Variants in PPP2R5E observed in about 807,000 individuals in gnomAD.
The protein encoded by PPP2R5E is protein phosphatase 2 regulatory subunit B'epsilon.
A neutral mutation model predicts 65.3 loss-of-function variants in PPP2R5E; 4 were observed. The observed-to-expected ratio is 0.06, with a 90% CI of 0.03 to 0.14. The LOEUF (loss-of-function observed/expected upper bound fraction) is 0.14. Ranked by LOEUF, PPP2R5E falls within the 10% of genes least tolerant of loss-of-function variation. The pLI is 1.00. For missense variants in PPP2R5E, 274 were observed against 556.1 expected, an observed-to-expected ratio of 0.49 and a Z score of 5.10; for synonymous variants, 183 against 187.4, an observed-to-expected ratio of 0.98 and a Z score of 0.19.
At chr14:63,415,019 A>G in intron 5 of PPP2R5E, 121 bp downstream of exon 5, 1 of 553,422 alleles carries the variant, frequency 1.8e-6, no homozygotes, top group Non-Finnish European at 3.2e-6. Flanking sequence ...GTTTATATAT[A>G]TATATATATT....
At chr14:63,535,040 C>A (rs1893611814) in intron 2 of PPP2R5E, among the ~76,000 whole-genome samples, 1 of 152,114 alleles carries the variant, frequency 6.6e-6, no homozygotes, top group African/African-American at 2.4e-5. Flanking sequence ...TACGGAAAAA[C>A]CAGGTAGATT....
intron 4 of PPP2R5E, among the ~76,000 whole-genome samples, chr14:63,417,622 A>G (rs965415270): frequency 1.3e-5 from 2 of 152,220 alleles, no homozygotes; most frequent in Non-Finnish European, 2.9e-5. Flanking sequence ...ATCATGTAGA[A>G]TATTTTTAAA....
intron 2 of PPP2R5E, among the ~76,000 whole-genome samples, chr14:63,516,315 T>A (rs1892670325): frequency 6.6e-6 from 1 of 152,128 alleles, no homozygotes; most frequent in Non-Finnish European, 1.5e-5. Flanking sequence ...CAACTTCCCA[T>A]GAGGAAGAAA....
rs1177867935 is a variant in PPP2R5E, at chr14:63,415,225, T to C, written c.464A>G (p.Tyr155Cys). 1 of 1,596,942 alleles carries C rather than the reference T, an allele frequency of 6.3e-7. No individual in the cohort carries two copies. Among genetic ancestry groups the C allele is most frequent in the Non-Finnish European group, 8.6e-7 (1 of 1,165,564 alleles). ...TTCCAAAAATCGTATGAAAAATTCA[T>C]ATACAAGCTGCAACAAACAGATTAT... ...EASWPHLQLV[Y>C]EFFIRFLESQ... The change falls in exon 5 of 14, where the codon TAT (tyrosine) becomes TGT (cysteine). Residue 155 changes from tyrosine to cysteine, a missense_variant. Physicochemically the swap from Tyr to Cys is radical, Grantham distance 194 (BLOSUM62 -2). Coordinates refer to ENST00000337537, the MANE Select transcript of PPP2R5E (RefSeq NM_006246.5).
intron 2 of PPP2R5E, among the ~76,000 whole-genome samples, chr14:63,472,325 C>T (rs1027454048): frequency 1.3e-5 from 2 of 152,148 alleles, no homozygotes; most frequent in South Asian, 4.2e-4. Flanking sequence ...TAAAGGACCC[C>T]TTTACATTAG....
At chr14:63,422,596 G>A (rs557044009) in intron 3 of PPP2R5E, among the ~76,000 whole-genome samples, 1 of 152,122 alleles carries the variant, frequency 6.6e-6, no homozygotes, top group East Asian at 1.9e-4. Context: ...CGAGGTGGCA[G>A]GCACCTGTAG....
chr14:63,474,485 G>C (rs1594915841), intron 2 of PPP2R5E, among the ~76,000 whole-genome samples: 1 of 151,966 alleles, frequency 6.6e-6, no homozygotes, highest in African/African-American at 2.4e-5. Flanking sequence ...CAAGACCAAA[G>C]TCTGAAAAGA....
rs1047440973 is a variant in PPP2R5E, at chr14:63,371,942, C to A, written c.*4067G>T. On this transcript the variant is annotated 3_prime_UTR_variant, in exon 14 of 14. Coordinates refer to ENST00000337537, the MANE Select transcript of PPP2R5E (RefSeq NM_006246.5). ...CTTCAATCAAAAATCAGACAACAAC[C>A]AGAAAATGCATTGGTAATATTTATA... The A allele has an allele frequency of 6.6e-6, 1 of 152,042 alleles. No homozygotes were observed. The highest frequency in any genetic ancestry group is 1.5e-5 in the Non-Finnish European group (1 of 68,008). The allele number at this position is 152,042 out of a possible 1,614,324, so 9.4% of individuals were successfully genotyped here. A position where few individuals can be genotyped will look rare whatever the true frequency, so the allele number is the denominator to read the frequency against.
chr14:63,402,747 A>C (rs997067827), intron 5 of PPP2R5E, among the ~76,000 whole-genome samples: 1 of 152,192 alleles, frequency 6.6e-6, no homozygotes. Context: ...GAAGATTTTA[A>C]AAACCAGAAG....
At chr14:63,490,682 G>A (rs1010626646) in intron 2 of PPP2R5E, among the ~76,000 whole-genome samples, 4 of 151,954 alleles carry the variant, frequency 2.6e-5, no homozygotes, top group African/African-American at 4.8e-5. Context: ...AAATCACAAC[G>A]AGATACCATC....
At position 63,451,989 on chromosome 14, in the gene PPP2R5E, T is replaced by C. The variant is rs991836194; in HGVS notation, c.354+1700A>G. The C allele has an allele frequency of 2.6e-5, 4 of 152,202 alleles. No individual in the cohort carries two copies. The South Asian group carries it at 8.3e-4, about 31-fold the overall frequency. 9.4% of individuals were successfully genotyped at this position (152,202 alleles called of 1,614,324 possible). ...TTCATAGAGTACTGCTTAAATATGG[T>C]ACATTCACACAATAAATATTATGCA... On this transcript the variant is annotated intron_variant, in intron 3 of 13. Coordinates refer to ENST00000337537, the MANE Select transcript of PPP2R5E (RefSeq NM_006246.5).
Position 63,442,265 on chromosome 14 carries a change from G to A in PPP2R5E, c.354+11424C>T, listed in dbSNP as rs540163722. ...ATCTAATTCTCAGGTCTTCTTTTACGCTTATCCTATCCTTCAAATTTCCCA... is the reference window on the plus strand; with the variant it reads ...ATCTAATTCTCAGGTCTTCTTTTACACTTATCCTATCCTTCAAATTTCCCA... On this transcript the variant is annotated intron_variant, in intron 3 of 13. Transcript: ENST00000337537. Among the ~76,000 whole-genome samples, 12 of 151,926 alleles carry A rather than the reference G, an allele frequency of 7.9e-5. No individual in the cohort carries two copies. In the East Asian group the frequency reaches 1.5e-3, roughly 20 times the overall value.
chr14:63,509,397 C>G (rs1892360989), intron 2 of PPP2R5E, among the ~76,000 whole-genome samples: 1 of 151,412 alleles, frequency 6.6e-6, no homozygotes, highest in African/African-American at 2.4e-5. Context: ...CCTTGGCCTC[C>G]CAAGTAGCTG....
intron 11 of PPP2R5E, among the ~76,000 whole-genome samples, chr14:63,385,316 A>C (rs1273079662): frequency 1.3e-5 from 2 of 152,018 alleles, no homozygotes; most frequent in African/African-American, 2.4e-5. Flanking sequence ...ACAGAGCAAG[A>C]CCGTGTCTTC....
intron 5 of PPP2R5E, among the ~76,000 whole-genome samples, chr14:63,403,968 CATAA>C (rs1237486837): frequency 3.3e-5 from 5 of 152,042 alleles, no homozygotes; most frequent in African/African-American, 4.8e-5. Context: ...AGTCAATAGA[CATAA>C]ATAAAATCTA....
chr14:63,507,028 T>C (rs151187560), intron 2 of PPP2R5E, among the ~76,000 whole-genome samples: 37 of 152,318 alleles, frequency 2.4e-4, no homozygotes, highest in Non-Finnish European at 4.6e-4. Context: ...AGTGATCCCC[T>C]ACCTCAGCCT....
At chr14:63,541,635 T>C (rs977217909) in intron 1 of PPP2R5E, among the ~76,000 whole-genome samples, 2 of 152,208 alleles carry the variant, frequency 1.3e-5, no homozygotes, top group Non-Finnish European at 2.9e-5. Flanking sequence ...GTCATTCCAA[T>C]AGACAAGACA....
chr14:63,484,395 G>A (rs1488064356), intron 2 of PPP2R5E, among the ~76,000 whole-genome samples: 3 of 132,712 alleles, frequency 2.3e-5, no homozygotes, highest in Non-Finnish European at 3.2e-5. Context: ...ACAAAGAATC[G>A]TATCAAGTGT....
chr14:63,387,591 T>C (rs1884747392), intron 11 of PPP2R5E, among the ~76,000 whole-genome samples: 1 of 142,242 alleles, frequency 7.0e-6, no homozygotes, highest in Non-Finnish European at 1.6e-5. Context: ...CCAGCAAACA[T>C]TTATTAATGA....
Sources: allele counts gnomAD v4.1 joint callset (sites outside exome capture counted in the v4.1 genomes callset), GRCh38; gene constraint gnomAD v4.1.1; transcripts MANE v1.5; gene names NCBI Gene and HGNC (gene_info 2026-07-23, HGNC 2026-07-21).